The following LRCH4 variants were observed in gnomAD, a reference collection of about 807,000 sequenced individuals.
LRCH4 encodes leucine-rich repeat and calponin homology domain-containing protein 4.
A neutral mutation model predicts 81.2 loss-of-function variants in LRCH4; 56 were observed. The ratio of observed to expected loss-of-function variants is 0.69; its 90% CI spans 0.56 to 0.86. The LOEUF is 0.86. LRCH4 is among the 40% of genes least tolerant of loss of function. The probability of loss-of-function intolerance (pLI) is 0.00; values close to 1 mark genes in which losing one functional copy is unlikely to be tolerated. For missense variants in LRCH4, 895 were observed against 922.8 expected, an observed-to-expected ratio of 0.97 and a Z score of 0.39; for synonymous variants, 442 against 409.7, an observed-to-expected ratio of 1.08 and a Z score of -0.95.
In LRCH4 at chr7:100,586,032, G is replaced by A. The variant is rs778062811; in HGVS notation, c.69C>T (p.Pro23=). 12 of 1,598,570 alleles carry A rather than the reference G, an allele frequency of 7.5e-6. No homozygotes were observed. Among genetic ancestry groups the A allele is most frequent in the Non-Finnish European group, 9.4e-6 (11 of 1,173,074 alleles). Residue 23 remains proline (P), a synonymous_variant, in exon 1 of 18, where the codon CCC becomes CCT. Transcript: ENST00000310300. ...GEEAAATTSV[P]GSPGLPGRRS... The stretch of plus-strand genomic sequence containing the variant: ...GTCTCCCCGGCAGACCTGGAGACCC[G>A]GGCACGGAGGTCGTGGCTGCCGCCT...
chr7:100,584,297 G>A, intron 1 of LRCH4: 1 of 453,848 alleles, frequency 2.2e-6, no homozygotes, highest in Non-Finnish European at 4.4e-6. Flanking sequence ...GACCCCACTT[G>A]GCCTAGAACC....
intron 4 of LRCH4, chr7:100,580,604 AACAG>A (rs1364648547): frequency 6.6e-6 from 1 of 151,756 alleles, no homozygotes; most frequent in Non-Finnish European, 1.5e-5. Flanking sequence ...AAACACACAC[AACAG>A]ACATAAACAC....
At chr7:100,581,612 C>G (rs1801561298) in intron 4 of LRCH4, 165 bp downstream of exon 4, 1 of 610,264 alleles carries the variant, frequency 1.6e-6, no homozygotes, top group African/African-American at 1.9e-5. Context: ...CTGCCAGAAG[C>G]TGACCATGGA....
rs1368864861 is a variant in LRCH4 at position 100,578,094 on chromosome 7, C to T, written c.948+65G>A. 6.6e-7 allele frequency: 1 copy of T among 1,517,126 alleles called. No individual in the cohort carries two copies. Among genetic ancestry groups the T allele is most frequent in the East Asian group, 2.3e-5 (1 of 44,160 alleles). 94.0% of individuals were successfully genotyped at this position (1,517,126 alleles called of 1,614,324 possible). A position where few individuals can be genotyped will look rare whatever the true frequency, so the allele number is the denominator to read the frequency against. On this transcript the variant is annotated intron_variant, in intron 7 of 17. Transcript: ENST00000310300. The surrounding 1 kb of genome is among the most constrained non-coding windows in gnomAD (Gnocchi z 5.7). ...GCCTGGCACCCTGCAATTTGGAGGT[C>T]CCCAGTTCAGAGGTGCTCTCCCAGG... is the stretch of plus-strand genomic sequence containing the variant.
Position 100,574,209 on chromosome 7 carries a change from C to T in LRCH4, c.*898G>A, listed in dbSNP as rs764374013. On this transcript the variant is annotated 3_prime_UTR_variant, in exon 18 of 18. Transcript: ENST00000310300. ...GGAGCCCAGGCGCGTCTTCTGCTCC[C>T]GGGGTCCCGGGCGGGGTGGGCCCTG... 8.1e-5 allele frequency: 14 copies of T among 172,530 alleles called. No individual in the cohort carries two copies. The South Asian group carries it at 1.1e-3, about 14-fold the overall frequency. 10.7% of individuals were successfully genotyped at this position (172,530 alleles called of 1,614,324 possible).
chr7:100,575,284 C>T lies in LRCH4; in HGVS notation c.1875G>A (p.Ser625=), dbSNP rs781433873. Residue 625 remains serine, a synonymous_variant, in exon 18 of 18, where the codon TCG becomes TCA. Coordinates refer to ENST00000310300, the MANE Select transcript of LRCH4 (RefSeq NM_002319.5). This position sits in a 1 kb window ranked among gnomAD's most constrained non-coding sequence, Gnocchi z 5.3. ...CCCGGGCAGTGCCCTGGAGGAGATC[C>T]GAGGGCGAGCACAGGTCAGCCTGGG... The part of the protein sequence containing the change: ...GVPEADLCSP[S]DLLQGTARGL... 2.0e-5 allele frequency: 31 copies of T among 1,558,040 alleles called. No individual in the cohort carries two copies. The highest frequency in any genetic ancestry group is 2.7e-5 in the African/African-American group (2 of 73,718).
Position 100,577,063 on chromosome 7 carries a change from G to A in LRCH4, c.1364+23C>T. ...ATGGTCATAGGAAGAGGAGTGGGGAGGGGATGCTGGCAGGAAACCTACTTG... is the reference window on the plus strand; with the variant it reads ...ATGGTCATAGGAAGAGGAGTGGGGAAGGGATGCTGGCAGGAAACCTACTTG... On this transcript the variant is annotated intron_variant, in intron 12 of 17. Transcript: ENST00000310300. The surrounding 1 kb of genome is among the most constrained non-coding windows in gnomAD (Gnocchi z 6.7). 4 of 1,614,142 alleles carry A rather than the reference G, an allele frequency of 2.5e-6. No homozygotes were observed. The highest frequency in any genetic ancestry group is 2.2e-5 in the East Asian group (1 of 44,878).
chr7:100,574,231 C>A lies in LRCH4; in HGVS notation c.*876G>T. 5.5e-6 allele frequency: 1 copy of A among 182,182 alleles called. No homozygotes were observed. Among genetic ancestry groups the A allele is most frequent in the Non-Finnish European group, 1.2e-5 (1 of 82,396 alleles). The allele number at this position is 182,182 out of a possible 1,614,324, so 11.3% of individuals were successfully genotyped here. A position where few individuals can be genotyped will look rare whatever the true frequency, so the allele number is the denominator to read the frequency against. On this transcript the variant is annotated 3_prime_UTR_variant, in exon 18 of 18. Coordinates refer to ENST00000310300, the MANE Select transcript of LRCH4 (RefSeq NM_002319.5). ...TCCCGGGGTCCCGGGCGGGGTGGGC[C>A]CTGTGCCCCCACCTTCACCCCTAAG...
At position 100,577,363 on chromosome 7, in the gene LRCH4, CGCTCCTCCCCTGCCG is replaced by C. The variant is rs1801401019; in HGVS notation, c.1190_1204del (p.Pro397_Glu401del). 6.3e-7 allele frequency: 1 copy of C among 1,599,626 alleles called. No homozygotes were observed. The highest frequency in any genetic ancestry group is 1.7e-5 in the Admixed American group (1 of 59,948). ...CAGCTGCAAGGTGTCCGGGCGCCGC[CGCTCCTCCCCTGCCG>C]GCTCCTCCCGCCTGAGGGACCAAGA... On this transcript the variant is annotated inframe_deletion, in exon 11 of 18. Coordinates refer to ENST00000310300, the MANE Select transcript of LRCH4 (RefSeq NM_002319.5). This position sits in a 1 kb window ranked among gnomAD's most constrained non-coding sequence, Gnocchi z 6.7.
rs374749516 is a variant in LRCH4, at chr7:100,581,760, T to C, written c.598+17A>G. Reference sequence around the variant, plus strand: ...GCACATACAAACACCTCCTCTCCAGTTCTTCATTCTTCTCACCTTCGGGCA... The same window carrying C: ...GCACATACAAACACCTCCTCTCCAGCTCTTCATTCTTCTCACCTTCGGGCA... On this transcript the variant is annotated intron_variant, in intron 4 of 17. Transcript: ENST00000310300. 6.2e-7 allele frequency: 1 copy of C among 1,612,456 alleles called. No individual in the cohort carries two copies. Among genetic ancestry groups the C allele is most frequent in the Non-Finnish European group, 8.5e-7 (1 of 1,178,550 alleles).
chr7:100,577,280 TCCTCGGGG>T lies in LRCH4; in HGVS notation c.1280_1287del (p.Ala427GlufsTer3). The T allele has an allele frequency of 6.2e-7, 1 of 1,600,216 alleles. No individual in the cohort carries two copies. Among genetic ancestry groups the T allele is most frequent in the Non-Finnish European group, 8.5e-7 (1 of 1,178,670 alleles). ...GGCGGCCCTGGGTCCCACCTATCCT[TCCTCGGGG>T]CCCCCCACGCCCCGCTCTGCTGCTG... On this transcript the variant is annotated frameshift_variant, in exon 11 of 18. Transcript: ENST00000310300. LOFTEE classifies it high-confidence loss of function. The surrounding 1 kb of genome is among the most constrained non-coding windows in gnomAD (Gnocchi z 6.7).
At chr7:100,576,029 G>C (rs780726618) in intron 15 of LRCH4, 21 bp from the exon 16 acceptor site, 4 of 1,592,926 alleles carry the variant, frequency 2.5e-6, no homozygotes, top group Middle Eastern at 1.7e-4. Context: ...AGACCACATA[G>C]AGCAGGGGTC....
rs374353772 is a variant in LRCH4 at position 100,575,835 on chromosome 7, G to A, written c.1776+36C>T. On this transcript the variant is annotated intron_variant, in intron 16 of 17. Transcript: ENST00000310300. The surrounding 1 kb of genome is among the most constrained non-coding windows in gnomAD (Gnocchi z 5.3). Reference sequence around the variant, plus strand: ...GTAAGGGAGAGGCCACAGGCGCCCCGGCCCATCCCCCACCTCTTCCCCAGC... The same window carrying A: ...GTAAGGGAGAGGCCACAGGCGCCCCAGCCCATCCCCCACCTCTTCCCCAGC... The A allele has an allele frequency of 2.5e-5, 41 of 1,609,156 alleles. No homozygotes were observed. The highest frequency in any genetic ancestry group is 4.4e-5 in the South Asian group (4 of 90,752).
rs770134180 is a variant in LRCH4 at position 100,578,620 on chromosome 7, T to TC, written c.735+29dup. 20 of 1,609,358 alleles carry TC rather than the reference T, an allele frequency of 1.2e-5. No individual in the cohort carries two copies. The East Asian group carries it at 4.5e-4, about 36-fold the overall frequency. The stretch of plus-strand genomic sequence containing the variant: ...CCACTCCTGCCTAGCCACACCCCTG[T>TC]CCTCGTGGCCCCCCAGGCACCCGCC... On this transcript the variant is annotated intron_variant, in intron 5 of 17. Transcript: ENST00000310300. This position sits in a 1 kb window ranked among gnomAD's most constrained non-coding sequence, Gnocchi z 5.7.
Position 100,578,668 on chromosome 7 carries a change from C to T in LRCH4, c.717G>A (p.Leu239=). The T allele has an allele frequency of 6.2e-7, 1 of 1,614,082 alleles. No homozygotes were observed. The highest frequency in any genetic ancestry group is 1.3e-5 in the African/African-American group (1 of 75,056). ...LQVILLDSNP[L]QSPPAQVCLK... is the part of the protein sequence containing the mutation. The stretch of plus-strand genomic sequence containing the variant: ...GCCTCACCTGGGCAGGTGGACTCTG[C>T]AGAGGGTTGCTGTCCAGCAGAATGA... Residue 239 remains leucine, a synonymous_variant, in exon 5 of 18, where the codon CTG becomes CTA. Transcript: ENST00000310300. This position sits in a 1 kb window ranked among gnomAD's most constrained non-coding sequence, Gnocchi z 5.7.
intron 4 of LRCH4, among the ~76,000 whole-genome samples, chr7:100,581,448 C>T (rs139851396): frequency 5.9e-5 from 9 of 152,236 alleles, no homozygotes; most frequent in Non-Finnish European, 8.8e-5. Context: ...GATTAGGAAG[C>T]GAGGCCTTAG....
At chr7:100,581,099 C>G (rs548845416) in intron 4 of LRCH4, among the ~76,000 whole-genome samples, 1 of 152,290 alleles carries the variant, frequency 6.6e-6, no homozygotes, top group African/African-American at 2.4e-5. Flanking sequence ...AGAGCCCCTG[C>G]TGGGGTGAGC....
Position 100,581,774 on chromosome 7 carries a change from C to G in LRCH4, c.598+3G>C. 1 of 1,613,904 alleles carries G rather than the reference C, an allele frequency of 6.2e-7. No individual in the cohort carries two copies. Among genetic ancestry groups the G allele is most frequent in the Non-Finnish European group, 8.5e-7 (1 of 1,179,806 alleles). ...CTCCTCTCCAGTTCTTCATTCTTCT[C>G]ACCTTCGGGCAGCGTACTGAGCTGG... On this transcript the variant is annotated splice_donor_region_variant and intron_variant, in intron 4 of 17. Coordinates refer to ENST00000310300, the MANE Select transcript of LRCH4 (RefSeq NM_002319.5).
At position 100,574,981 on chromosome 7, in the gene LRCH4, G is replaced by A. The variant is rs1001051589; in HGVS notation, c.*126C>T. The stretch of plus-strand genomic sequence containing the variant: ...CCAGAGTGGGGCCTCTGAGGTCAGT[G>A]TCTGTGAAGGGGGTGCACTAGTGTC... On this transcript the variant is annotated 3_prime_UTR_variant, in exon 18 of 18. Coordinates refer to ENST00000310300, the MANE Select transcript of LRCH4 (RefSeq NM_002319.5). 4.4e-6 allele frequency: 4 copies of A among 918,402 alleles called. No homozygotes were observed. Among genetic ancestry groups the A allele is most frequent in the Non-Finnish European group, 6.5e-6 (4 of 615,420 alleles). 56.9% of individuals were successfully genotyped at this position (918,402 alleles called of 1,614,324 possible).
Sources: allele counts gnomAD v4.1 joint callset (sites outside exome capture counted in the v4.1 genomes callset), GRCh38; gene constraint gnomAD v4.1.1; non-coding constraint Gnocchi (gnomAD v3.1); transcripts MANE v1.5; gene names NCBI Gene and HGNC (gene_info 2026-07-23, HGNC 2026-07-21).